The following GAREM1 variants were observed in gnomAD, a reference collection of about 807,000 sequenced individuals.
GAREM1 encodes GRB2 associated regulator of MAPK1 subtype 1.
In GAREM1, 26 loss-of-function variants were observed where a neutral mutation model predicts 71.3. That is an observed-to-expected ratio of 0.36 (90% CI 0.27 to 0.51). The LOEUF (loss-of-function observed/expected upper bound fraction) is 0.51. GAREM1 is among the 20% of genes least tolerant of loss of function. GAREM1 has a pLI of 0.95. For missense variants in GAREM1, 1,026 were observed against 1,103.1 expected, an observed-to-expected ratio of 0.93 and a Z score of 0.99; for synonymous variants, 440 against 433.2, an observed-to-expected ratio of 1.02 and a Z score of -0.20.
intron 1 of GAREM1, among the ~76,000 whole-genome samples, chr18:32,453,460 C>A (rs1171163540): frequency 6.6e-6 from 1 of 152,174 alleles, no homozygotes; most frequent in African/African-American, 2.4e-5. Context: ...CACAGCCACA[C>A]TTCCTTTGAG....
chr18:32,327,800 T>C (rs999135720), intron 2 of GAREM1, among the ~76,000 whole-genome samples: 6 of 152,162 alleles, frequency 3.9e-5, no homozygotes, highest in African/African-American at 7.2e-5. Context: ...ACAGACAAGT[T>C]TGAATCTCAG....
At chr18:32,386,449 T>G (rs1426001320) in intron 2 of GAREM1, among the ~76,000 whole-genome samples, 4 of 152,214 alleles carry the variant, frequency 2.6e-5, no homozygotes, top group Non-Finnish European at 1.5e-5. Context: ...TCTGCTCAAG[T>G]GTCACTTACT....
chr18:32,327,974 T>C (rs1469925379), intron 2 of GAREM1, among the ~76,000 whole-genome samples: 1 of 150,616 alleles, frequency 6.6e-6, no homozygotes, highest in African/African-American at 2.5e-5. Flanking sequence ...CACAGTAATA[T>C]GATTAATAAT....
intron 2 of GAREM1, among the ~76,000 whole-genome samples, chr18:32,332,736 T>C (rs1003406024): frequency 1.3e-5 from 2 of 152,154 alleles, no homozygotes; most frequent in Non-Finnish European, 2.9e-5. Flanking sequence ...GGATTAAACG[T>C]AGTAAACCTA....
chr18:32,354,483 C>T (rs1445127072), intron 2 of GAREM1, among the ~76,000 whole-genome samples: 1 of 152,194 alleles, frequency 6.6e-6, no homozygotes, highest in Non-Finnish European at 1.5e-5. Flanking sequence ...ATGCCACCAG[C>T]ACTCCCAGAT....
At position 32,263,980 on chromosome 18, in the gene GAREM1, GT is replaced by G. The variant is rs2041339494; in HGVS notation, c.*3890del. The stretch of plus-strand genomic sequence containing the variant: ...AAATTACAGAAGATATTTGTATATA[GT>G]TTAAACTGAAATCACGTTTATTCCT... On this transcript the variant is annotated 3_prime_UTR_variant, in exon 6 of 6. Coordinates refer to ENST00000269209, the MANE Select transcript of GAREM1 (RefSeq NM_001242409.2). 1 of 152,164 alleles carries G rather than the reference GT, an allele frequency of 6.6e-6. No homozygotes were observed. The highest frequency in any genetic ancestry group is 2.4e-5 in the African/African-American group (1 of 41,446). The allele number at this position is 152,164 out of a possible 1,614,324, so 9.4% of individuals were successfully genotyped here. A position where few individuals can be genotyped will look rare whatever the true frequency, so the allele number is the denominator to read the frequency against.
chr18:32,459,433 G>T (rs2048931078), intron 1 of GAREM1, among the ~76,000 whole-genome samples: 1 of 151,810 alleles, frequency 6.6e-6, no homozygotes, highest in Non-Finnish European at 1.5e-5. Context: ...TCTCTTAGTG[G>T]CTGACTTCCT....
intron 1 of GAREM1, among the ~76,000 whole-genome samples, chr18:32,397,700 T>C (rs1370597333): frequency 1.3e-5 from 2 of 152,224 alleles, no homozygotes; most frequent in Non-Finnish European, 2.9e-5. Context: ...CACACAATAA[T>C]AATGGGAGAC....
intron 2 of GAREM1, among the ~76,000 whole-genome samples, chr18:32,358,434 A>G (rs1226321041): frequency 6.6e-6 from 1 of 151,974 alleles, no homozygotes; most frequent in African/African-American, 2.4e-5. Context: ...GCCACCACAG[A>G]CTTCCCAATC....
chr18:32,370,108 G>A (rs147728256), intron 2 of GAREM1, among the ~76,000 whole-genome samples: 25 of 152,280 alleles, frequency 1.6e-4, no homozygotes, highest in South Asian at 4.1e-4. Context: ...AAGTAAATGC[G>A]GTTACATCAT....
At chr18:32,275,096 A>G (rs2041521539) in intron 4 of GAREM1, among the ~76,000 whole-genome samples, 1 of 152,126 alleles carries the variant, frequency 6.6e-6, no homozygotes, top group Admixed American at 6.5e-5. Flanking sequence ...CTAGGGGAAA[A>G]AAAGGCACCA....
At chr18:32,345,347 T>C (rs1268870965) in intron 2 of GAREM1, among the ~76,000 whole-genome samples, 1 of 152,142 alleles carries the variant, frequency 6.6e-6, no homozygotes, top group Non-Finnish European at 1.5e-5. Flanking sequence ...TATTTCATTT[T>C]TGAAATATAA....
chr18:32,318,609 A>T (rs2047402528), intron 2 of GAREM1, among the ~76,000 whole-genome samples: 1 of 152,202 alleles, frequency 6.6e-6, no homozygotes, highest in Non-Finnish European at 1.5e-5. Flanking sequence ...ACCGATGAAG[A>T]TGCAGCTCCG....
intron 2 of GAREM1, among the ~76,000 whole-genome samples, chr18:32,338,812 G>C (rs1434870673): frequency 6.6e-6 from 1 of 152,180 alleles, no homozygotes; most frequent in Non-Finnish European, 1.5e-5. Context: ...ACGGTATACA[G>C]ATATCTGGTC....
intron 2 of GAREM1, among the ~76,000 whole-genome samples, chr18:32,361,866 A>G (rs2047868921): frequency 6.6e-6 from 1 of 152,170 alleles, no homozygotes; most frequent in African/African-American, 2.4e-5. Context: ...CTTTTTTTGG[A>G]GACATATGTA....
At chr18:32,275,926 C>T (rs539501305) in intron 4 of GAREM1, among the ~76,000 whole-genome samples, 5 of 152,332 alleles carry the variant, frequency 3.3e-5, no homozygotes, top group South Asian at 4.1e-4. Context: ...TCGCCCGCCT[C>T]GGCCTCCCAA....
chr18:32,421,609 G>A (rs1231404779), intron 1 of GAREM1, among the ~76,000 whole-genome samples: 10 of 152,190 alleles, frequency 6.6e-5, no homozygotes, highest in Non-Finnish European at 1.5e-4. Context: ...TATATCAGAA[G>A]GCAGAATCAA....
chr18:32,359,531 G>A (rs994025342), intron 2 of GAREM1, among the ~76,000 whole-genome samples: 1 of 152,134 alleles, frequency 6.6e-6, no homozygotes, highest in South Asian at 2.1e-4. Context: ...TCCCCAGCCT[G>A]GGGTGAGTAA....
chr18:32,368,716 A>G (rs755466677), intron 2 of GAREM1, among the ~76,000 whole-genome samples: 1 of 152,194 alleles, frequency 6.6e-6, no homozygotes, highest in Admixed American at 6.5e-5. Context: ...TGCCCTACAT[A>G]CTTTTCTAGC....
Sources: allele counts gnomAD v4.1 joint callset (sites outside exome capture counted in the v4.1 genomes callset), GRCh38; gene constraint gnomAD v4.1.1; transcripts MANE v1.5; gene names NCBI Gene and HGNC (gene_info 2026-07-23, HGNC 2026-07-21).